PLAGL2: variants seen among roughly 807,000 people sequenced by gnomAD.
PLAGL2 encodes zinc finger protein PLAGL2.
Under a neutral mutation model 29.0 loss-of-function variants are expected in PLAGL2, and 7 were observed. The ratio of observed to expected loss-of-function variants is 0.24; its 90% CI spans 0.14 to 0.45. The LOEUF is 0.45. Among genes scored for constraint, PLAGL2 ranks in the 20% least tolerant of loss-of-function variants. PLAGL2 has a pLI of 0.99. For synonymous variants in PLAGL2, 234 were observed against 266.0 expected (o/e 0.88, Z 1.17); for missense variants, 454 against 648.2 (o/e 0.70, Z 3.25).
chr20:32,205,374 C>A (rs915016393), intron 1 of PLAGL2, among the ~76,000 whole-genome samples: 1 of 152,176 alleles, frequency 6.6e-6, no homozygotes, highest in African/African-American at 2.4e-5. Flanking sequence ...GAGCCCCTTA[C>A]TTTACCTCCC....
chr20:32,197,213 G>T lies in PLAGL2; in HGVS notation c.730C>A (p.Gln244Lys), dbSNP rs1449742239. Reference sequence around the variant, plus strand: ...TCTGTCTTGATCTTGAGCAGCTCCTGCGAGTGGCTCTTCTTGACATGACGC... The same window carrying T: ...TCTGTCTTGATCTTGAGCAGCTCCTTCGAGTGGCTCTTCTTGACATGACGC... ...LTRHVKKSHS[Q>K]ELLKIKTEPV... Residue 244 changes from glutamine (Q) to lysine (K), a missense_variant, in exon 3 of 3, where the codon CAG (glutamine) becomes AAG (lysine). Around this residue, in one of 4 missense-constraint regions of PLAGL2, gnomAD observed 247 missense variants for 350.3 expected, o/e 0.71. Transcript: ENST00000246229. This position sits in a 1 kb window ranked among gnomAD's most constrained non-coding sequence, Gnocchi z 6.6. 6.2e-7 allele frequency: 1 copy of T among 1,614,230 alleles called. No homozygotes were observed. The highest frequency in any genetic ancestry group is 8.5e-7 in the Non-Finnish European group (1 of 1,180,048).
rs2047238952 is a variant in PLAGL2, at chr20:32,197,937, A to G, written c.261-255T>C. ...AACAATCTGAACGTCCAATCTATCA[A>G]TAGGGAACTGGTTACATAAATTATG... On this transcript the variant is annotated intron_variant, in intron 2 of 2. Coordinates refer to ENST00000246229, the MANE Select transcript of PLAGL2 (RefSeq NM_002657.3). This position sits in a 1 kb window ranked among gnomAD's most constrained non-coding sequence, Gnocchi z 6.6. 6.6e-6 allele frequency among the ~76,000 whole-genome samples: 1 copy of G among 152,232 alleles called. No individual in the cohort carries two copies. Among genetic ancestry groups the G allele is most frequent in the Admixed American group, 6.5e-5 (1 of 15,282 alleles).
In PLAGL2 at chr20:32,196,181, T is replaced by G; in HGVS notation, c.*271A>C. Reference sequence around the variant, plus strand: ...CTTTGGAGAGGAAGAGGGCCAAGTGTGGCTCCCGATTCAGGTCAAAAAAAT... The same window carrying G: ...CTTTGGAGAGGAAGAGGGCCAAGTGGGGCTCCCGATTCAGGTCAAAAAAAT... On this transcript the variant is annotated 3_prime_UTR_variant, in exon 3 of 3. Coordinates refer to ENST00000246229, the MANE Select transcript of PLAGL2 (RefSeq NM_002657.3). 3.8e-6 allele frequency: 1 copy of G among 264,418 alleles called. No homozygotes were observed. Among genetic ancestry groups the G allele is most frequent in the Non-Finnish European group, 7.0e-6 (1 of 142,416 alleles). The allele number at this position is 264,418 out of a possible 1,614,324, so 16.4% of individuals were successfully genotyped here. A position where few individuals can be genotyped will look rare whatever the true frequency, so the allele number is the denominator to read the frequency against.
chr20:32,206,377 G>A (rs555739516), intron 1 of PLAGL2, among the ~76,000 whole-genome samples: 2 of 152,290 alleles, frequency 1.3e-5, no homozygotes, highest in South Asian at 2.1e-4. Context: ...TTACTCTCAG[G>A]CTGCTAATTC....
chr20:32,197,058 C>A lies in PLAGL2; in HGVS notation c.885G>T (p.Met295Ile), dbSNP rs1219283143. 1 of 1,614,190 alleles carries A rather than the reference C, an allele frequency of 6.2e-7. No homozygotes were observed. Among genetic ancestry groups the A allele is most frequent in the East Asian group, 2.2e-5 (1 of 44,886 alleles). The change falls in exon 3 of 3, where the codon ATG becomes ATT. Residue 295 changes from methionine to isoleucine, a missense_variant. Coordinates refer to ENST00000246229, the MANE Select transcript of PLAGL2 (RefSeq NM_002657.3). This position sits in a 1 kb window ranked among gnomAD's most constrained non-coding sequence, Gnocchi z 6.6. ...GTKAFPGMLPMGMYGAHIPTM... is the reference protein window; with the variant it reads ...GTKAFPGMLPIGMYGAHIPTM... ...TAGGGATGTGGGCACCATACATGCCCATGGGCAACATGCCAGGGAAGGCCT... is the reference window on the plus strand; with the variant it reads ...TAGGGATGTGGGCACCATACATGCCAATGGGCAACATGCCAGGGAAGGCCT...
chr20:32,206,414 T>C (rs910942769), intron 1 of PLAGL2, among the ~76,000 whole-genome samples: 1 of 151,866 alleles, frequency 6.6e-6, no homozygotes, highest in Non-Finnish European at 1.5e-5. Context: ...GGGCCCTCTT[T>C]GGAGTCTCTT....
intron 2 of PLAGL2, among the ~76,000 whole-genome samples, chr20:32,201,684 C>T (rs544843633): frequency 3.3e-5 from 5 of 152,350 alleles, no homozygotes; most frequent in Middle Eastern, 3.4e-3. Flanking sequence ...CAGTGGCTCA[C>T]GCCAGCAATC....
intron 2 of PLAGL2, among the ~76,000 whole-genome samples, chr20:32,198,763 T>C (rs1293912028): frequency 6.6e-6 from 1 of 152,166 alleles, no homozygotes; most frequent in East Asian, 1.9e-4. Context: ...AAAGAGAATA[T>C]ACATGTTTGA....
chr20:32,198,368 C>CA (rs1351037574), intron 2 of PLAGL2, among the ~76,000 whole-genome samples: 1 of 152,206 alleles, frequency 6.6e-6, no homozygotes, highest in Non-Finnish European at 1.5e-5. Flanking sequence ...AGTCTGGGCA[C>CA]AGTGGTGCAT....
chr20:32,196,533 C>T lies in PLAGL2; in HGVS notation c.1410G>A (p.Gly470=), dbSNP rs763545788. 4.6e-6 allele frequency: 7 copies of T among 1,536,606 alleles called. No individual in the cohort carries two copies. In the Admixed American group the frequency reaches 1.3e-4, roughly 29 times the overall value. The change falls in exon 3 of 3, where the codon GGG becomes GGA. Residue 470 remains glycine, a synonymous_variant. Coordinates refer to ENST00000246229, the MANE Select transcript of PLAGL2 (RefSeq NM_002657.3). ...SPGAGGPLNF[G]PLHSLPPVFT... Reference sequence around the variant, plus strand: ...AGACAGGAGGCAAGGAGTGCAGAGGCCCAAAGTTCAGTGGTCCCCCAGCTC... The same window carrying T: ...AGACAGGAGGCAAGGAGTGCAGAGGTCCAAAGTTCAGTGGTCCCCCAGCTC...
Position 32,202,256 on chromosome 20 carries a change from A to G in PLAGL2, c.-78T>C. On this transcript the variant is annotated 5_prime_UTR_variant, in exon 2 of 3. Coordinates refer to ENST00000246229, the MANE Select transcript of PLAGL2 (RefSeq NM_002657.3). ...CCACACAGGCTCTCAGCTCTGTCACAGCCTCCAACGCAGCTTTCAGAAAAC... is the reference window on the plus strand; with the variant it reads ...CCACACAGGCTCTCAGCTCTGTCACGGCCTCCAACGCAGCTTTCAGAAAAC... 6.9e-7 allele frequency: 1 copy of G among 1,448,124 alleles called. No homozygotes were observed. Among genetic ancestry groups the G allele is most frequent in the African/African-American group, 1.4e-5 (1 of 71,148 alleles). The allele number at this position is 1,448,124 out of a possible 1,614,324, so 89.7% of individuals were successfully genotyped here. A position where few individuals can be genotyped will look rare whatever the true frequency, so the allele number is the denominator to read the frequency against.
intron 1 of PLAGL2, among the ~76,000 whole-genome samples, chr20:32,206,083 C>T (rs2047285314): frequency 6.6e-6 from 1 of 152,094 alleles, no homozygotes; most frequent in Non-Finnish European, 1.5e-5. Flanking sequence ...TTCCCTTAAG[C>T]AGAACCCAAA....
chr20:32,196,878 G>C lies in PLAGL2; in HGVS notation c.1065C>G (p.Pro355=). 6.2e-7 allele frequency: 1 copy of C among 1,614,142 alleles called. No homozygotes were observed. The highest frequency in any genetic ancestry group is 8.5e-7 in the Non-Finnish European group (1 of 1,179,984). The change falls in exon 3 of 3, where the codon CCC becomes CCG. Residue 355 remains proline, a synonymous_variant. Coordinates refer to ENST00000246229, the MANE Select transcript of PLAGL2 (RefSeq NM_002657.3). Reference sequence around the variant, plus strand: ...CCAGAAAACTATCCACCTCCACTTTGGGCAATTTGTCGGGCAAGTATGAGG... The same window carrying C: ...CCAGAAAACTATCCACCTCCACTTTCGGCAATTTGTCGGGCAAGTATGAGG... ...GSTSYLPDKL[P]KVEVDSFLAE... is the part of the protein sequence containing the mutation.
intron 2 of PLAGL2, among the ~76,000 whole-genome samples, chr20:32,198,976 T>C (rs1404864796): frequency 6.6e-6 from 1 of 152,208 alleles, no homozygotes; most frequent in African/African-American, 2.4e-5. Context: ...TGATCCTATA[T>C]GGTTGAAAAG....
rs1312119366 is a variant in PLAGL2 at position 32,195,097 on chromosome 20, T to G, written c.*1355A>C. The G allele has an allele frequency of 6.6e-6, 1 of 151,748 alleles. No individual in the cohort carries two copies. The highest frequency in any genetic ancestry group is 1.5e-5 in the Non-Finnish European group (1 of 67,976). 9.4% of individuals were successfully genotyped at this position (151,748 alleles called of 1,614,324 possible). ...GGGTGGGGGCACAGGAAAGTGGAAG[T>G]GATTTGATGGAGAGCAGAGAAGCCT... is the stretch of plus-strand genomic sequence containing the variant. On this transcript the variant is annotated 3_prime_UTR_variant, in exon 3 of 3. Transcript: ENST00000246229.
intron 2 of PLAGL2, 70 bp downstream of exon 2, chr20:32,201,849 T>G: frequency 7.4e-7 from 1 of 1,356,158 alleles, no homozygotes; most frequent in East Asian, 2.3e-5. Flanking sequence ...AAACCCACAC[T>G]AGGCAGAGTC....
At chr20:32,198,025 T>C (rs893253457) in intron 2 of PLAGL2, among the ~76,000 whole-genome samples, 1 of 152,168 alleles carries the variant, frequency 6.6e-6, no homozygotes, top group East Asian at 1.9e-4. Flanking sequence ...ACAGGGAACA[T>C]GCTCCTAAGA....
Position 32,197,456 on chromosome 20 carries a change from G to C in PLAGL2, c.487C>G (p.Gln163Glu), listed in dbSNP as rs1157276103. The C allele has an allele frequency of 6.2e-7, 1 of 1,613,048 alleles. No individual in the cohort carries two copies. Among genetic ancestry groups the C allele is most frequent in the South Asian group, 1.1e-5 (1 of 91,024 alleles). The change falls in exon 3 of 3, where the codon CAG becomes GAG. Residue 163 changes from glutamine to glutamate, a missense_variant. Gln to Glu is a conservative substitution (Grantham distance 29). Around this residue, in one of 4 missense-constraint regions of PLAGL2, gnomAD observed 111 missense variants for 173.1 expected, o/e 0.64. Transcript: ENST00000246229. The surrounding 1 kb of genome is among the most constrained non-coding windows in gnomAD (Gnocchi z 6.6). ...AGGGCCTGGGTACTCTCAAAGGTCT[G>C]CAGGCACACCTTGCAGCTGAGGTCA... ...SGDLSCKVCL[Q>E]TFESTQALLE...
Position 32,196,531 on chromosome 20 carries a change from G to C in PLAGL2, c.1412C>G (p.Pro471Arg), listed in dbSNP as rs2047229121. 1.0e-5 allele frequency: 16 copies of C among 1,534,806 alleles called. No homozygotes were observed. The highest frequency in any genetic ancestry group is 1.4e-5 in the Non-Finnish European group (16 of 1,145,938). The change falls in exon 3 of 3, where the codon CCT (proline) becomes CGT (arginine). Residue 471 changes from proline to arginine, a missense_variant. Pro to Arg is a moderately radical substitution (Grantham distance 103). Around this residue, in one of 4 missense-constraint regions of PLAGL2, gnomAD observed 247 missense variants for 350.3 expected, o/e 0.71. Transcript: ENST00000246229. Reference protein sequence around the residue: ...PGAGGPLNFGPLHSLPPVFTS... With the variant: ...PGAGGPLNFGRLHSLPPVFTS... ...GAAGACAGGAGGCAAGGAGTGCAGA[G>C]GCCCAAAGTTCAGTGGTCCCCCAGC...
Sources: allele counts gnomAD v4.1 joint callset (sites outside exome capture counted in the v4.1 genomes callset), GRCh38; gene constraint gnomAD v4.1.1; regional missense constraint gnomAD v4.1.1; non-coding constraint Gnocchi (gnomAD v3.1); transcripts MANE v1.5; gene names NCBI Gene and HGNC (gene_info 2026-07-23, HGNC 2026-07-21).